Variants in COL27A1 observed in about 807,000 individuals in gnomAD.
COL27A1 encodes the protein collagen alpha-1(XXVII) chain.
Under a neutral mutation model 251.3 loss-of-function variants are expected in COL27A1, and 106 were observed. The ratio of observed to expected loss-of-function variants is 0.42; its 90% CI spans 0.36 to 0.50. The LOEUF (loss-of-function observed/expected upper bound fraction) is 0.50, where lower values mean the gene tolerates loss of function less well. Among genes scored for constraint, COL27A1 ranks in the 20% least tolerant of loss-of-function variants. The pLI is 0.00. For synonymous variants in COL27A1, 1,000 were observed against 986.3 expected (o/e 1.01, Z -0.26); for missense variants, 2,325 against 2,522.8 (o/e 0.92, Z 1.68).
In COL27A1 at chr9:114,168,944, G is replaced by T; in HGVS notation, c.1389G>T (p.Lys463Asn). The T allele has an allele frequency of 6.2e-7, 1 of 1,614,070 alleles. No individual in the cohort carries two copies. Among genetic ancestry groups the T allele is most frequent in the Non-Finnish European group, 8.5e-7 (1 of 1,180,022 alleles). ...PIPTLARTEA[K>N]ITSHASKPAS... The stretch of plus-strand genomic sequence containing the variant: ...CCACACTAGCTCGGACTGAGGCCAA[G>T]ATAACCAGCCATGCCAGTAAGCCGG... The change falls in exon 3 of 61, where the codon AAG becomes AAT. Residue 463 changes from lysine (K) to asparagine (N), a missense_variant. By Grantham distance (94) the Lys-to-Asn change is moderately conservative (BLOSUM62 0). This residue lies in a region of COL27A1 where 1,183 missense variants were observed against 1,144.1 expected (regional missense o/e 1.03). Transcript: ENST00000356083.
intron 3 of COL27A1, among the ~76,000 whole-genome samples, chr9:114,175,905 C>T (rs760863392): frequency 3.9e-5 from 6 of 152,240 alleles, no homozygotes; most frequent in African/African-American, 1.2e-4. Flanking sequence ...ATTACCCCCA[C>T]CTTGGCTTTC....
At chr9:114,280,730 C>G (rs1362750388) in intron 37 of COL27A1, among the ~76,000 whole-genome samples, 1 of 152,174 alleles carries the variant, frequency 6.6e-6, no homozygotes, top group Admixed American at 6.5e-5. Flanking sequence ...AGGTCCTTCC[C>G]GGGCCACTGT....
At chr9:114,295,460 A>G (rs1290789172) in intron 49 of COL27A1, among the ~76,000 whole-genome samples, 1 of 152,230 alleles carries the variant, frequency 6.6e-6, no homozygotes, top group East Asian at 1.9e-4. Context: ...TATGAAATAT[A>G]AAGGACTTAG....
Position 114,309,265 on chromosome 9 carries a change from G to A in COL27A1, c.5223G>A (p.Glu1741=). ...CLKPITASKV[E]FAISRVQMNF... ...CTGCCGTTGCTTCTCTATAGGTCGA[G>A]TTTGCCATCAGCCGGGTCCAGATGA... Residue 1741 remains glutamate, a synonymous_variant, in exon 60 of 61, where the codon GAG becomes GAA. Transcript: ENST00000356083. 1.2e-6 allele frequency: 2 copies of A among 1,614,150 alleles called. No individual in the cohort carries two copies. Among genetic ancestry groups the A allele is most frequent in the East Asian group, 2.2e-5 (1 of 44,876 alleles).
chr9:114,229,153 G>T (rs1255259379), intron 14 of COL27A1, among the ~76,000 whole-genome samples: 1 of 152,232 alleles, frequency 6.6e-6, no homozygotes, highest in Admixed American at 6.5e-5. Context: ...CTTAGCAAAG[G>T]CTCAGCTGGG....
rs2014134 is a variant in COL27A1 at position 114,240,237 on chromosome 9, C to T, written c.2745C>T (p.Ile915=). ...CCCCTCAGGGATTCCCAGGAGACAT[C>T]GGCCCCCCTGGCGACAATGGCCCAG... is the stretch of plus-strand genomic sequence containing the variant. The part of the protein sequence containing the change: ...PPGPEGFPGD[I]GPPGDNGPEG... Residue 915 remains isoleucine (I), a synonymous_variant, in exon 20 of 61, where the codon ATC becomes ATT. Coordinates refer to ENST00000356083, the MANE Select transcript of COL27A1 (RefSeq NM_032888.4). The T allele has an allele frequency of 0.39, 621,232 of 1,607,470 alleles. 125,076 individuals are homozygous for T. Among genetic ancestry groups the T allele is most frequent in the Admixed American group, 0.48 (28,696 of 59,460 alleles).
intron 2 of COL27A1, among the ~76,000 whole-genome samples, chr9:114,166,396 CACCCACCCACCTATCCATTT>C (rs1848873798): frequency 4.0e-5 from 6 of 148,950 alleles, no homozygotes; most frequent in African/African-American, 1.0e-4. Context: ...TCCATCCATC[CACCCACCCACCTATCCATTT>C]ATCCATTCAT....
At chr9:114,301,800 C>G in intron 55 of COL27A1, 83 bp downstream of exon 55, 1 of 1,368,002 alleles carries the variant, frequency 7.3e-7, no homozygotes, top group Admixed American at 1.9e-5. Context: ...GCAGACTAAG[C>G]CTTGACCCTG....
At chr9:114,257,768 T>C (rs1052808203) in intron 27 of COL27A1, among the ~76,000 whole-genome samples, 1 of 152,064 alleles carries the variant, frequency 6.6e-6, no homozygotes, top group Admixed American at 6.5e-5. Context: ...CCTCCTCCTC[T>C]TTTCCCTGGG....
At chr9:114,240,109 C>T in intron 19 of COL27A1, 111 bp from the exon 20 acceptor site, 1 of 956,378 alleles carries the variant, frequency 1.0e-6, no homozygotes, top group Non-Finnish European at 1.7e-6. Flanking sequence ...TGCCTGGGGT[C>T]CCATCCCAGC....
At chr9:114,253,215 G>A (rs980530030) in intron 27 of COL27A1, among the ~76,000 whole-genome samples, 13 of 150,794 alleles carry the variant, frequency 8.6e-5, no homozygotes, top group Admixed American at 2.6e-4. Flanking sequence ...AGCCAAGATC[G>A]TGCCACTGCA....
chr9:114,301,488 T>TGGGGC, intron 54 of COL27A1, 26 bp downstream of exon 54: 1 of 739,136 alleles, frequency 1.4e-6, no homozygotes, highest in Non-Finnish European at 2.1e-6. Flanking sequence ...ATGAGGGCTG[T>TGGGGC]GGGGCGGGGC....
chr9:114,245,148 G>GTTTTGTTTTT (rs1833027956), intron 23 of COL27A1, among the ~76,000 whole-genome samples: 2 of 101,332 alleles, frequency 2.0e-5, no homozygotes, highest in African/African-American at 7.7e-5. Flanking sequence ...GTGCATTCTT[G>GTTTTGTTTTT]TTTTTTTTTT....
chr9:114,206,150 A>C, intron 9 of COL27A1, 102 bp from the exon 10 acceptor site: 1 of 1,160,296 alleles, frequency 8.6e-7, no homozygotes, highest in Non-Finnish European at 1.3e-6. Flanking sequence ...CCCATTCTAC[A>C]AAGAGAGCAG....
intron 1 of COL27A1, among the ~76,000 whole-genome samples, chr9:114,157,252 A>G (rs1271487227): frequency 2.0e-5 from 3 of 152,204 alleles, no homozygotes; most frequent in African/African-American, 7.2e-5. Flanking sequence ...TGGGCAGTCA[A>G]CACTGCTCGG....
At chr9:114,191,172 T>G (rs1588625124) in intron 5 of COL27A1, among the ~76,000 whole-genome samples, 1 of 152,180 alleles carries the variant, frequency 6.6e-6, no homozygotes, top group Admixed American at 6.5e-5. Flanking sequence ...CGGATTGTAG[T>G]TTTTCATCTG....
Position 114,237,086 on chromosome 9 carries a change from G to A in COL27A1, c.2673+52G>A, listed in dbSNP as rs149503098. The A allele has an allele frequency of 4.3e-4, 654 of 1,504,582 alleles. 3 individuals are homozygous for A. The African/African-American group carries it at 6.0e-3, about 14-fold the overall frequency. 93.2% of individuals were successfully genotyped at this position (1,504,582 alleles called of 1,614,324 possible). On this transcript the variant is annotated intron_variant, in intron 18 of 60. Transcript: ENST00000356083. Reference sequence around the variant, plus strand: ...CAAACCTCACACTCTCCAACTGATCGTGTAATGTGGCTGGGGACACCTTCA... The same window carrying A: ...CAAACCTCACACTCTCCAACTGATCATGTAATGTGGCTGGGGACACCTTCA...
At chr9:114,239,363 G>T (rs1210088218) in intron 19 of COL27A1, among the ~76,000 whole-genome samples, 3 of 152,226 alleles carry the variant, frequency 2.0e-5, no homozygotes, top group African/African-American at 4.8e-5. Context: ...CAACTTTGCT[G>T]GTTCCATTTA....
intron 58 of COL27A1, 79 bp downstream of exon 58, chr9:114,306,767 A>AT: frequency 6.6e-7 from 1 of 1,521,576 alleles, no homozygotes. Flanking sequence ...TTTCCGCCGC[A>AT]TTTTGGCTGA....
Sources: gnomAD v4.1 joint callset for allele counts (sites outside exome capture counted in the v4.1 genomes callset) on GRCh38, gnomAD v4.1.1 for gene constraint, gnomAD v4.1.1 regional missense constraint, MANE v1.5 for transcripts, NCBI Gene and HGNC (gene_info 2026-07-23, HGNC 2026-07-21) for gene names.